Variants in NOPCHAP1 observed in about 807,000 individuals in gnomAD.
NOPCHAP1 encodes the protein DNA damage-sensitive RNA 1.
A neutral mutation model predicts 14.0 loss-of-function variants in NOPCHAP1; 13 were observed. That is an observed-to-expected ratio of 0.93 (90% CI 0.60 to 1.47). NOPCHAP1 has a LOEUF of 1.47. Among genes scored for constraint, NOPCHAP1 ranks in the 40% most tolerant of loss-of-function variants. NOPCHAP1 has a pLI of 0.00. For missense variants in NOPCHAP1, 230 were observed against 226.9 expected (o/e 1.01, Z -0.09); for synonymous variants, 78 against 78.4 (o/e 1.00, Z 0.03).
chr12:104,995,375 A>G lies in NOPCHAP1; in HGVS notation c.*679A>G, dbSNP rs181597332. 2.6e-5 allele frequency: 4 copies of G among 152,436 alleles called. No homozygotes were observed. Among genetic ancestry groups the G allele is most frequent in the Admixed American group, 2.0e-4 (3 of 15,308 alleles). 9.4% of individuals were successfully genotyped at this position (152,436 alleles called of 1,614,324 possible). On this transcript the variant is annotated 3_prime_UTR_variant, in exon 4 of 4. Coordinates refer to ENST00000552951, the MANE Select transcript of NOPCHAP1 (RefSeq NM_152318.3). ...CCAAAGAAACAATAGTGTCAGCTAC[A>G]AATTGTATTGAATTTTCTGTAGTAG...
In NOPCHAP1 at chr12:105,011,788, T is replaced by C. The variant is rs1337875314; in HGVS notation, c.*17092T>C. Reference sequence around the variant, plus strand: ...GGATATGAAATTCTGGGTTGAAAATTCTTCTTTTTAAGAATGTTGAATATT... The same window carrying C: ...GGATATGAAATTCTGGGTTGAAAATCCTTCTTTTTAAGAATGTTGAATATT... On this transcript the variant is annotated 3_prime_UTR_variant, in exon 4 of 4. Coordinates refer to ENST00000552951, the MANE Select transcript of NOPCHAP1 (RefSeq NM_152318.3). 3 of 152,238 alleles carry C rather than the reference T, an allele frequency of 2.0e-5. No homozygotes were observed. The highest frequency in any genetic ancestry group is 2.9e-5 in the Non-Finnish European group (2 of 68,044). The allele number at this position is 152,238 out of a possible 1,614,324, so 9.4% of individuals were successfully genotyped here.
intron 2 of NOPCHAP1, among the ~76,000 whole-genome samples, chr12:104,989,348 A>G (rs1873323854): frequency 6.6e-6 from 1 of 152,334 alleles, no homozygotes; most frequent in East Asian, 1.9e-4. Flanking sequence ...TGTCTGAGAA[A>G]GTATTTTGCT....
At position 105,017,039 on chromosome 12, in the gene NOPCHAP1, T is replaced by C. The variant is rs989160789; in HGVS notation, c.*22343T>C. ...TCTATGGCTCTGTGACAGTTACAGATCCGAAAATTAGGTGTAATGGCTTTT... is the reference window on the plus strand; with the variant it reads ...TCTATGGCTCTGTGACAGTTACAGACCCGAAAATTAGGTGTAATGGCTTTT... On this transcript the variant is annotated 3_prime_UTR_variant, in exon 4 of 4. Coordinates refer to ENST00000552951, the MANE Select transcript of NOPCHAP1 (RefSeq NM_152318.3). 6.6e-6 allele frequency: 1 copy of C among 152,184 alleles called. No individual in the cohort carries two copies. Among genetic ancestry groups the C allele is most frequent in the Admixed American group, 6.5e-5 (1 of 15,272 alleles). 9.4% of individuals were successfully genotyped at this position (152,184 alleles called of 1,614,324 possible).
chr12:104,995,661 CT>C lies in NOPCHAP1; in HGVS notation c.*968del, dbSNP rs1352654290. 20 of 152,092 alleles carry C rather than the reference CT, an allele frequency of 1.3e-4. No individual in the cohort carries two copies. The highest frequency in any genetic ancestry group is 4.8e-4 in the African/African-American group (20 of 41,354). The allele number at this position is 152,092 out of a possible 1,614,324, so 9.4% of individuals were successfully genotyped here. A position where few individuals can be genotyped will look rare whatever the true frequency, so the allele number is the denominator to read the frequency against. ...GAGTCCCCAGGAGCCCCACTGTAAT[CT>C]TTCCTCAGTGGAAACTAGCATATCT... On this transcript the variant is annotated 3_prime_UTR_variant, in exon 4 of 4. Transcript: ENST00000552951.
rs758280475 is a variant in NOPCHAP1, at chr12:104,991,796, G to A, written c.287G>A (p.Gly96Asp). 2.4e-5 allele frequency: 39 copies of A among 1,613,114 alleles called. No homozygotes were observed. The highest frequency in any genetic ancestry group is 2.7e-5 in the Non-Finnish European group (32 of 1,179,826). Residue 96 changes from glycine (G) to aspartate (D), a missense_variant, in exon 3 of 4, where the codon GGT becomes GAT. By Grantham distance (94) the Gly-to-Asp change is moderately conservative. Transcript: ENST00000552951. ...AAAGAAATGGCAGCTGCACCACCTG[G>A]TCGTTTCAATATTGAAAACATTGAT... ...LRKEMAAAPP[G>D]RFNIENIDGP... is the part of the protein sequence containing the mutation.
chr12:104,994,399 G>T, intron 3 of NOPCHAP1, 79 bp from the exon 4 acceptor site: 1 of 1,255,500 alleles, frequency 8.0e-7, no homozygotes, highest in Non-Finnish European at 1.2e-6. Context: ...GCTGAATGTT[G>T]GTTCTTCCCA....
At position 105,007,952 on chromosome 12, in the gene NOPCHAP1, T is replaced by A. The variant is rs903893673; in HGVS notation, c.*13256T>A. 1.3e-5 allele frequency: 2 copies of A among 152,230 alleles called. No homozygotes were observed. The highest frequency in any genetic ancestry group is 2.4e-5 in the African/African-American group (1 of 41,468). The allele number at this position is 152,230 out of a possible 1,614,324, so 9.4% of individuals were successfully genotyped here. A position where few individuals can be genotyped will look rare whatever the true frequency, so the allele number is the denominator to read the frequency against. On this transcript the variant is annotated 3_prime_UTR_variant, in exon 4 of 4. Coordinates refer to ENST00000552951, the MANE Select transcript of NOPCHAP1 (RefSeq NM_152318.3). ...TCCAAGTCTTTGCTATTGTGAGCAG[T>A]GCTGCAGTAAACATACATGTGTCTT...
At position 105,014,558 on chromosome 12, in the gene NOPCHAP1, G is replaced by A. The variant is rs1873908106; in HGVS notation, c.*19862G>A. On this transcript the variant is annotated 3_prime_UTR_variant, in exon 4 of 4. Coordinates refer to ENST00000552951, the MANE Select transcript of NOPCHAP1 (RefSeq NM_152318.3). ...TTTTTATTTTAAGAATTCCTTTCTA[G>A]TTTGAGTTGGAAAACTGATGCTTGT... 1 of 152,046 alleles carries A rather than the reference G, an allele frequency of 6.6e-6. No individual in the cohort carries two copies. The highest frequency in any genetic ancestry group is 2.4e-5 in the African/African-American group (1 of 41,412). The allele number at this position is 152,046 out of a possible 1,614,324, so 9.4% of individuals were successfully genotyped here.
intron 3 of NOPCHAP1, among the ~76,000 whole-genome samples, chr12:104,993,626 CTG>C (rs1276475150): frequency 6.6e-6 from 1 of 152,206 alleles, no homozygotes; most frequent in Non-Finnish European, 1.5e-5. Flanking sequence ...CAGTGCGTCA[CTG>C]TGTATGGGTG....
At position 104,991,751 on chromosome 12, in the gene NOPCHAP1, G is replaced by A. The variant is rs565928398; in HGVS notation, c.242G>A (p.Arg81Gln). The stretch of plus-strand genomic sequence containing the variant: ...CAGACATTTCTCCCACAGATGGCAC[G>A]GGCAAATGAAAAGCTAAGAAAAGAA... Reference protein sequence around the residue: ...QVQTFLPQMARANEKLRKEMA... With the variant: ...QVQTFLPQMAQANEKLRKEMA... Residue 81 changes from arginine to glutamine, a missense_variant, in exon 3 of 4, where the codon CGG (arginine) becomes CAG (glutamine). By Grantham distance (43) the Arg-to-Gln change is conservative (BLOSUM62 1). Coordinates refer to ENST00000552951, the MANE Select transcript of NOPCHAP1 (RefSeq NM_152318.3). The A allele has an allele frequency of 9.9e-6, 16 of 1,613,608 alleles. No homozygotes were observed. The highest frequency in any genetic ancestry group is 2.2e-5 in the East Asian group (1 of 44,858).
rs1250328158 is a variant in NOPCHAP1, at chr12:105,004,981, C to T, written c.*10285C>T. 1 of 152,192 alleles carries T rather than the reference C, an allele frequency of 6.6e-6. No individual in the cohort carries two copies. Among genetic ancestry groups the T allele is most frequent in the Non-Finnish European group, 1.5e-5 (1 of 68,046 alleles). 9.4% of individuals were successfully genotyped at this position (152,192 alleles called of 1,614,324 possible). On this transcript the variant is annotated 3_prime_UTR_variant, in exon 4 of 4. Coordinates refer to ENST00000552951, the MANE Select transcript of NOPCHAP1 (RefSeq NM_152318.3). ...AATCAGGAAGAGAAATATATACTTA[C>T]TGTTCTTTAAATGGAAGTGGATCAT...
chr12:105,013,595 A>G lies in NOPCHAP1; in HGVS notation c.*18899A>G, dbSNP rs111392125. ...CCACCCAGCTTTGAGCTTGAAACCC[A>G]GGGCCCTGGTGGTGTAGGCACCCGA... is the stretch of plus-strand genomic sequence containing the variant. On this transcript the variant is annotated 3_prime_UTR_variant, in exon 4 of 4. Coordinates refer to ENST00000552951, the MANE Select transcript of NOPCHAP1 (RefSeq NM_152318.3). 0.019 allele frequency: 2,827 copies of G among 152,646 alleles called. 36 individuals are homozygous for G. The highest frequency in any genetic ancestry group is 0.039 in the African/African-American group (1,631 of 41,556). The allele number at this position is 152,646 out of a possible 1,614,324, so 9.5% of individuals were successfully genotyped here.
Position 105,007,588 on chromosome 12 carries a change from T to C in NOPCHAP1, c.*12892T>C, listed in dbSNP as rs1481454303. 2 of 152,226 alleles carry C rather than the reference T, an allele frequency of 1.3e-5. No homozygotes were observed. The highest frequency in any genetic ancestry group is 4.8e-5 in the African/African-American group (2 of 41,444). 9.4% of individuals were successfully genotyped at this position (152,226 alleles called of 1,614,324 possible). On this transcript the variant is annotated 3_prime_UTR_variant, in exon 4 of 4. Coordinates refer to ENST00000552951, the MANE Select transcript of NOPCHAP1 (RefSeq NM_152318.3). ...TTGTTACGTAGGTATACACGTTCCA[T>C]GACGGTTTGCTGCCGCCATCAACTT...
chr12:104,988,514 T>G (rs565399238), intron 2 of NOPCHAP1, among the ~76,000 whole-genome samples: 1 of 152,346 alleles, frequency 6.6e-6, no homozygotes, highest in Admixed American at 6.5e-5. Context: ...TTAATCTCCA[T>G]GGCAAATTTA....
At chr12:104,994,098 G>A (rs184693007) in intron 3 of NOPCHAP1, among the ~76,000 whole-genome samples, 111 of 152,250 alleles carry the variant, frequency 7.3e-4, no homozygotes, top group African/African-American at 2.3e-3. Context: ...TAATTGCAGC[G>A]CTTTGGGAGG....
In NOPCHAP1 at chr12:105,012,434, G is replaced by A. The variant is rs1873849540; in HGVS notation, c.*17738G>A. 6.6e-6 allele frequency: 1 copy of A among 152,164 alleles called. No homozygotes were observed. The highest frequency in any genetic ancestry group is 2.4e-5 in the African/African-American group (1 of 41,440). The allele number at this position is 152,164 out of a possible 1,614,324, so 9.4% of individuals were successfully genotyped here. On this transcript the variant is annotated 3_prime_UTR_variant, in exon 4 of 4. Transcript: ENST00000552951. ...GCTTCCTTGCATTGGGTTAGAACAT[G>A]CTCCTTTAGCTCGGAGGAATTTGTT... is the stretch of plus-strand genomic sequence containing the variant.
rs776031032 is a variant in NOPCHAP1, at chr12:104,994,503, A to G, written c.365A>G (p.Gln122Arg). 4.3e-6 allele frequency: 7 copies of G among 1,613,958 alleles called. No individual in the cohort carries two copies. In the South Asian group the frequency reaches 4.4e-5, roughly 10 times the overall value. Residue 122 changes from glutamine (Q) to arginine (R), a missense_variant, in exon 4 of 4, where the codon CAG becomes CGG. Gln to Arg is a conservative substitution (Grantham distance 43). Coordinates refer to ENST00000552951, the MANE Select transcript of NOPCHAP1 (RefSeq NM_152318.3). ...QMDVALFEMN[Q>R]SDSKEVDSSE... ...GATGTGGCTTTGTTTGAGATGAATC[A>G]GTCGGATTCAAAAGAAGTGGACAGT...
intron 2 of NOPCHAP1, 113 bp from the exon 3 acceptor site, chr12:104,991,599 A>G: frequency 1.8e-6 from 2 of 1,098,962 alleles, no homozygotes; most frequent in Non-Finnish European, 2.5e-6. Context: ...GAACTAAAAG[A>G]TATGTAATTA....
chr12:104,987,241 A>G (rs1873260769), intron 1 of NOPCHAP1, among the ~76,000 whole-genome samples: 1 of 152,248 alleles, frequency 6.6e-6, no homozygotes, highest in Admixed American at 6.5e-5. Flanking sequence ...AGTCCTTACT[A>G]TGTATGCCCC....
Sources: gnomAD v4.1 joint callset for allele counts (sites outside exome capture counted in the v4.1 genomes callset) on GRCh38, gnomAD v4.1.1 for gene constraint, MANE v1.5 for transcripts, NCBI Gene and HGNC (gene_info 2026-07-23, HGNC 2026-07-21) for gene names.